The following EGFR variants were observed in gnomAD, a reference collection of about 807,000 sequenced individuals.
EGFR encodes the protein avian erythroblastic leukemia viral (v-erb-b) oncogene homolog.
A neutral mutation model predicts 143.0 loss-of-function variants in EGFR; 58 were observed. That is an observed-to-expected ratio of 0.41 (90% confidence interval 0.33 to 0.50). The LOEUF is 0.50. Among genes scored for constraint, EGFR ranks in the 20% least tolerant of loss-of-function variants. The probability of loss-of-function intolerance (pLI) is 0.39; values close to 1 mark genes in which losing one functional copy is unlikely to be tolerated. For missense variants in EGFR, 1,307 were observed against 1,579.0 expected (o/e 0.83, Z 2.92); for synonymous variants, 613 against 594.4 (o/e 1.03, Z -0.45).
In EGFR at chr7:55,192,859, T is replaced by G. The variant is rs910472843; in HGVS notation, c.2701+18T>G. 12 of 1,612,616 alleles carry G rather than the reference T, an allele frequency of 7.4e-6. No homozygotes were observed. The highest frequency in any genetic ancestry group is 1.3e-5 in the African/African-American group (1 of 74,930). On this transcript the variant is annotated intron_variant, in intron 22 of 27. Transcript: ENST00000275493. ...GAGCTACGGTGAGTCATAATCCTGA[T>G]GCTAATGAGTTTGTACTGAGGCCAA...
In EGFR at chr7:55,142,371, T is replaced by C. The variant is rs752438083; in HGVS notation, c.174T>C (p.Cys58=). The change falls in exon 2 of 28, where the codon TGT becomes TGC. Residue 58 remains cysteine, a synonymous_variant. Coordinates refer to ENST00000275493, the MANE Select transcript of EGFR (RefSeq NM_005228.5). The stretch of plus-strand genomic sequence containing the variant: ...GCCTCCAGAGGATGTTCAATAACTG[T>C]GAGGTGGTCCTTGGGAATTTGGAAA... ...FLSLQRMFNN[C]EVVLGNLEIT... 1.2e-6 allele frequency: 2 copies of C among 1,613,918 alleles called. No individual in the cohort carries two copies. Among genetic ancestry groups the C allele is most frequent in the Admixed American group, 3.3e-5 (2 of 60,022 alleles).
chr7:55,165,764 T>A (rs1785947913), intron 15 of EGFR, among the ~76,000 whole-genome samples: 1 of 152,214 alleles, frequency 6.6e-6, no homozygotes, highest in African/African-American at 2.4e-5. Context: ...CTCTCCAGAT[T>A]TCTAAGGTTA....
chr7:55,134,594 G>T (rs999405298), intron 1 of EGFR, among the ~76,000 whole-genome samples: 1 of 152,172 alleles, frequency 6.6e-6, no homozygotes, highest in Non-Finnish European at 1.5e-5. Context: ...CAGATCAACG[G>T]GTATTGCTTT....
intron 1 of EGFR, among the ~76,000 whole-genome samples, chr7:55,019,630 C>A (rs1302852877): frequency 6.6e-6 from 1 of 152,096 alleles, no homozygotes; most frequent in Non-Finnish European, 1.5e-5. Flanking sequence ...GCCGCCGGGA[C>A]CTCCGGCGCC....
intron 1 of EGFR, among the ~76,000 whole-genome samples, chr7:55,040,133 A>G (rs1334576327): frequency 4.6e-5 from 7 of 152,136 alleles, no homozygotes; most frequent in Non-Finnish European, 1.0e-4. Context: ...TGCTTATTGG[A>G]AAGTTTTGCT....
At chr7:55,204,990 T>TAC (rs1189377679) in intron 27 of EGFR, among the ~76,000 whole-genome samples, 1 of 151,624 alleles carries the variant, frequency 6.6e-6, no homozygotes, top group South Asian at 2.1e-4. Flanking sequence ...TGCATACACA[T>TAC]ACACACACAC....
intron 19 of EGFR, 23 bp from the exon 20 acceptor site, chr7:55,181,270 G>A (rs2128958150): frequency 6.2e-7 from 1 of 1,613,788 alleles, no homozygotes; most frequent in South Asian, 1.1e-5. Flanking sequence ...AAGCCACACT[G>A]ACGTGCCTCT....
At position 55,019,360 on chromosome 7, in the gene EGFR, A is replaced by C; in HGVS notation, c.83A>C (p.Lys28Thr). 1.3e-6 allele frequency: 2 copies of C among 1,507,928 alleles called. No homozygotes were observed. The highest frequency in any genetic ancestry group is 1.8e-6 in the Non-Finnish European group (2 of 1,122,276). 93.4% of individuals were successfully genotyped at this position (1,507,928 alleles called of 1,614,324 possible). The change falls in exon 1 of 28, where the codon AAG becomes ACG. Residue 28 changes from lysine (K) to threonine (T), a missense_variant. By Grantham distance (78) the Lys-to-Thr change is moderately conservative. Coordinates refer to ENST00000275493, the MANE Select transcript of EGFR (RefSeq NM_005228.5). ...LCPASRALEE[K>T]KVCQGTSNKL... Reference sequence around the variant, plus strand: ...CCGGCGAGTCGGGCTCTGGAGGAAAAGAAAGGTAAGGGCGTGTCTCGCCGG... The same window carrying C: ...CCGGCGAGTCGGGCTCTGGAGGAAACGAAAGGTAAGGGCGTGTCTCGCCGG...
Position 55,205,508 on chromosome 7 carries a change from A to T in EGFR, c.3524A>T (p.Asp1175Val), listed in dbSNP as rs2128975521. 2.5e-6 allele frequency: 4 copies of T among 1,614,210 alleles called. No homozygotes were observed. Among genetic ancestry groups the T allele is most frequent in the Non-Finnish European group, 3.4e-6 (4 of 1,180,036 alleles). The change falls in exon 28 of 28, where the codon GAC becomes GTC. Residue 1175 changes from aspartate to valine, a missense_variant. Physicochemically the swap from Asp to Val is radical, Grantham distance 152 (BLOSUM62 -3). Around this residue, in one of 7 missense-constraint regions of EGFR, gnomAD observed 313 missense variants for 312.3 expected, o/e 1.00. Transcript: ENST00000275493. ...CTGGACAACCCTGACTACCAGCAGGACTTCTTTCCCAAGGAAGCCAAGCCA... is the reference window on the plus strand; with the variant it reads ...CTGGACAACCCTGACTACCAGCAGGTCTTCTTTCCCAAGGAAGCCAAGCCA... ...ISLDNPDYQQ[D>V]FFPKEAKPNG...
rs772432421 is a variant in EGFR, at chr7:55,156,838, A to C, written c.1207+6A>C. 6.2e-7 allele frequency: 1 copy of C among 1,614,234 alleles called. No individual in the cohort carries two copies. Among genetic ancestry groups the C allele is most frequent in the South Asian group, 1.1e-5 (1 of 91,084 alleles). Reference sequence around the variant, plus strand: ...AACCGTAAAGGAAATCACAGGTTTGAGCTGAATTATCACATGAATATAAAT... The same window carrying C: ...AACCGTAAAGGAAATCACAGGTTTGCGCTGAATTATCACATGAATATAAAT... On this transcript the variant is annotated splice_donor_region_variant and intron_variant, in intron 10 of 27. Transcript: ENST00000275493.
intron 20 of EGFR, among the ~76,000 whole-genome samples, chr7:55,186,148 G>A (rs1298011210): frequency 2.6e-5 from 4 of 152,344 alleles, no homozygotes; most frequent in South Asian, 2.1e-4. Context: ...CTGACAGATC[G>A]TGCTGTGTGC....
At chr7:55,086,091 C>T (rs1459027742) in intron 1 of EGFR, among the ~76,000 whole-genome samples, 4 of 152,158 alleles carry the variant, frequency 2.6e-5, no homozygotes, top group Non-Finnish European at 2.9e-5. Context: ...GGTCCCGTGC[C>T]GTGCAATTTT....
chr7:55,159,643 G>A (rs912328215), intron 11 of EGFR, among the ~76,000 whole-genome samples: 7 of 152,172 alleles, frequency 4.6e-5, no homozygotes, highest in African/African-American at 9.7e-5. Context: ...ATCTGCTTAC[G>A]GGGTTGTGTC....
intron 24 of EGFR, chr7:55,200,780 A>G (rs2128970766): frequency 4.2e-6 from 2 of 481,786 alleles, no homozygotes; most frequent in South Asian, 4.3e-5. Flanking sequence ...TCACCCAGGC[A>G]GCCGATCCAC....
chr7:55,131,628 C>T (rs1333246349), intron 1 of EGFR, among the ~76,000 whole-genome samples: 1 of 152,178 alleles, frequency 6.6e-6, no homozygotes, highest in Non-Finnish European at 1.5e-5. Flanking sequence ...TGCTTCTCCC[C>T]AAGCTACCCC....
intron 1 of EGFR, among the ~76,000 whole-genome samples, chr7:55,139,563 CTT>C (rs1794340396): frequency 6.6e-6 from 1 of 152,114 alleles, no homozygotes. Context: ...TATGTGTTTT[CTT>C]TTGATACTTT....
intron 7 of EGFR, among the ~76,000 whole-genome samples, chr7:55,154,855 T>C (rs1785331386): frequency 6.6e-6 from 1 of 151,884 alleles, no homozygotes; most frequent in Non-Finnish European, 1.5e-5. Flanking sequence ...GAAAGAACAA[T>C]TATGAGGGGG....
rs1787866319 is a variant in EGFR, at chr7:55,201,898, T to C, written c.3162+116T>C. On this transcript the variant is annotated intron_variant, in intron 26 of 27. Transcript: ENST00000275493. Reference sequence around the variant, plus strand: ...CCCAGATAATCTTGAGTTTTCTTCCTGTGTGGGTTTTTCCCTGCACGGCTG... The same window carrying C: ...CCCAGATAATCTTGAGTTTTCTTCCCGTGTGGGTTTTTCCCTGCACGGCTG... The C allele has an allele frequency of 3.8e-6, 5 of 1,324,406 alleles. No individual in the cohort carries two copies. The Admixed American group carries it at 8.5e-5, about 23-fold the overall frequency. The allele number at this position is 1,324,406 out of a possible 1,614,324, so 82.0% of individuals were successfully genotyped here.
chr7:55,106,077 A>G (rs1461520960), intron 1 of EGFR, among the ~76,000 whole-genome samples: 1 of 152,236 alleles, frequency 6.6e-6, no homozygotes, highest in African/African-American at 2.4e-5. Context: ...CAGGAGACCT[A>G]GAGACCCAGG....
Sources: allele counts gnomAD v4.1 joint callset (sites outside exome capture counted in the v4.1 genomes callset), GRCh38; gene constraint gnomAD v4.1.1; regional missense constraint gnomAD v4.1.1; transcripts MANE v1.5; gene names NCBI Gene and HGNC (gene_info 2026-07-23, HGNC 2026-07-21).